The following DRC1 variants were observed in gnomAD, a reference collection of about 807,000 sequenced individuals.
The protein encoded by DRC1 is dynein regulatory complex subunit 1, also known as dynein regulatory complex protein 1.
DRC1 carries 74 observed loss-of-function variants against 98.7 expected under a neutral mutation model. The ratio of observed to expected loss-of-function variants is 0.75; its 90% CI spans 0.62 to 0.91. The LOEUF is 0.91. Among genes scored for constraint, DRC1 ranks in the 40% least tolerant of loss-of-function variants. DRC1 has a pLI of 0.00. For missense variants in DRC1, 875 were observed against 886.0 expected (o/e 0.99, Z 0.16); for synonymous variants, 336 against 334.1 (o/e 1.01, Z -0.06).
intron 10 of DRC1, among the ~76,000 whole-genome samples, chr2:26,447,727 C>T (rs1281184891): frequency 1.3e-5 from 2 of 151,128 alleles, no homozygotes; most frequent in African/African-American, 4.9e-5. Flanking sequence ...CCACCATGCC[C>T]AGCTAATTTT....
Position 26,401,954 on chromosome 2 carries a change from G to A in DRC1, c.-36G>A. On this transcript the variant is annotated 5_prime_UTR_variant, in exon 1 of 17. Coordinates refer to ENST00000288710, the MANE Select transcript of DRC1 (RefSeq NM_145038.5). ...AACCAGCCTGAGGTCTGGAGGTGGT[G>A]CGGAGGGAGCCGCCTAGGGACCAGG... The A allele has an allele frequency of 6.4e-7, 1 of 1,564,268 alleles. No individual in the cohort carries two copies. Among genetic ancestry groups the A allele is most frequent in the Non-Finnish European group, 8.7e-7 (1 of 1,154,416 alleles).
chr2:26,417,614 C>G (rs916779640), intron 2 of DRC1, among the ~76,000 whole-genome samples: 1 of 152,236 alleles, frequency 6.6e-6, no homozygotes, highest in Non-Finnish European at 1.5e-5. Context: ...CAGGCATGAG[C>G]CACTGCGCCC....
At chr2:26,408,764 C>A (rs1678502879) in intron 1 of DRC1, among the ~76,000 whole-genome samples, 1 of 152,002 alleles carries the variant, frequency 6.6e-6, no homozygotes, top group Non-Finnish European at 1.5e-5. Flanking sequence ...GAGGGAGACT[C>A]TGTCTCAAAA....
At position 26,424,377 on chromosome 2, in the gene DRC1, G is replaced by A. The variant is rs574881831; in HGVS notation, c.463G>A (p.Glu155Lys). 33 of 1,613,868 alleles carry A rather than the reference G, an allele frequency of 2.0e-5. No homozygotes were observed. The East Asian group carries it at 6.9e-4, about 34-fold the overall frequency. Residue 155 changes from glutamate (E) to lysine (K), a missense_variant, in exon 4 of 17, where the codon GAA becomes AAA. By Grantham distance (56) the Glu-to-Lys change is moderately conservative (BLOSUM62 1). Coordinates refer to ENST00000288710, the MANE Select transcript of DRC1 (RefSeq NM_145038.5). ...KQKRIPQELW[E>K]MLNTQQLHCA... ...GAAGAGAATTCCCCAAGAGCTGTGG[G>A]AAATGCTCAATACCCAACAGCTGCA...
At chr2:26,411,561 TAAGTTAATAG>T (rs60940482) in intron 1 of DRC1, among the ~76,000 whole-genome samples, 67,936 of 151,712 alleles carry the variant, frequency 0.45, 17,504 homozygotes, top group Non-Finnish European at 0.6. Flanking sequence ...TGATGAGATT[TAAGTTAATAG>T]TAGTTAATAA....
At chr2:26,413,893 T>C (rs751689127) in intron 1 of DRC1, among the ~76,000 whole-genome samples, 5 of 152,082 alleles carry the variant, frequency 3.3e-5, no homozygotes, top group Admixed American at 6.5e-5. Flanking sequence ...TTACTTCTAG[T>C]GTTTTTATGA....
chr2:26,449,613 T>C (rs1663947424), intron 11 of DRC1, among the ~76,000 whole-genome samples: 1 of 152,236 alleles, frequency 6.6e-6, no homozygotes. Context: ...TGCTGCTGTG[T>C]TCTGTAGATA....
chr2:26,423,122 G>A (rs1160630390), intron 3 of DRC1, among the ~76,000 whole-genome samples: 2 of 152,006 alleles, frequency 1.3e-5, no homozygotes, highest in South Asian at 2.1e-4. Flanking sequence ...GAATGGAGTC[G>A]GCAGATTCCC....
rs913818948 is a variant in DRC1 at position 26,401,952 on chromosome 2, G to T, written c.-38G>T. 9 of 1,562,892 alleles carry T rather than the reference G, an allele frequency of 5.8e-6. No individual in the cohort carries two copies. The African/African-American group carries it at 1.2e-4, about 21-fold the overall frequency. ...GCAACCAGCCTGAGGTCTGGAGGTG[G>T]TGCGGAGGGAGCCGCCTAGGGACCA... On this transcript the variant is annotated 5_prime_UTR_variant, in exon 1 of 17. Coordinates refer to ENST00000288710, the MANE Select transcript of DRC1 (RefSeq NM_145038.5).
At chr2:26,451,342 T>G (rs1208074936) in intron 13 of DRC1, among the ~76,000 whole-genome samples, 1 of 152,176 alleles carries the variant, frequency 6.6e-6, no homozygotes, top group Non-Finnish European at 1.5e-5. Context: ...CAAGGCCCAT[T>G]TGTCCTACAT....
At chr2:26,446,881 C>A (rs2148002319) in intron 10 of DRC1, among the ~76,000 whole-genome samples, 1 of 151,836 alleles carries the variant, frequency 6.6e-6, no homozygotes, top group Middle Eastern at 3.4e-3. Flanking sequence ...CACCTGAGGT[C>A]AGGAATTCGA....
rs1428813195 is a variant in DRC1 at position 26,402,017 on chromosome 2, C to T, written c.28C>T (p.Leu10=). 4 of 1,610,750 alleles carry T rather than the reference C, an allele frequency of 2.5e-6. No individual in the cohort carries two copies. In the African/African-American group the frequency reaches 4.0e-5, roughly 16 times the overall value. ...GAATCCGCCGGGGTCCCTAGAGGCC[C>T]TGGACCCGAACGTGGACGAGCACTT... The part of the protein sequence containing the change: MNPPGSLEA[L]DPNVDEHLST... Residue 10 remains leucine, a synonymous_variant, in exon 1 of 17, where the codon CTG becomes TTG. Coordinates refer to ENST00000288710, the MANE Select transcript of DRC1 (RefSeq NM_145038.5).
chr2:26,427,509 A>G (rs190783380), intron 4 of DRC1, among the ~76,000 whole-genome samples: 2 of 152,160 alleles, frequency 1.3e-5, no homozygotes, highest in African/African-American at 4.8e-5. Context: ...ACAATGTGTG[A>G]TAATCACATT....
chr2:26,428,777 A>C (rs1374996529), intron 4 of DRC1, among the ~76,000 whole-genome samples: 6 of 152,012 alleles, frequency 3.9e-5, no homozygotes, highest in South Asian at 2.1e-4. Context: ...CAGCCTGGGC[A>C]ACAGAGCAAG....
intron 8 of DRC1, 83 bp downstream of exon 8, chr2:26,440,600 G>A: frequency 1.4e-6 from 2 of 1,418,826 alleles, no homozygotes; most frequent in South Asian, 1.8e-5. Context: ...CTATTGAAGG[G>A]GTAGAAACCA....
At chr2:26,413,003 C>T (rs574048327) in intron 1 of DRC1, among the ~76,000 whole-genome samples, 2 of 152,276 alleles carry the variant, frequency 1.3e-5, no homozygotes, top group East Asian at 3.9e-4. Flanking sequence ...AGGGTAGTCT[C>T]GATCTCCTGA....
intron 8 of DRC1, among the ~76,000 whole-genome samples, chr2:26,441,150 T>A (rs537984103): frequency 3.9e-5 from 6 of 152,358 alleles, no homozygotes; most frequent in Non-Finnish European, 8.8e-5. Flanking sequence ...TTCCTGCCTT[T>A]CTTCCTTTAA....
intron 1 of DRC1, among the ~76,000 whole-genome samples, chr2:26,404,295 G>A (rs967234484): frequency 1.3e-5 from 2 of 152,198 alleles, no homozygotes; most frequent in Admixed American, 1.3e-4. Flanking sequence ...CCATGGTCCT[G>A]TGAGTGTGAC....
chr2:26,424,468 G>A lies in DRC1; in HGVS notation c.540+14G>A, dbSNP rs1475285863. 6.3e-7 allele frequency: 1 copy of A among 1,593,710 alleles called. No homozygotes were observed. Among genetic ancestry groups the A allele is most frequent in the Non-Finnish European group, 8.6e-7 (1 of 1,166,302 alleles). On this transcript the variant is annotated intron_variant, in intron 4 of 16. Coordinates refer to ENST00000288710, the MANE Select transcript of DRC1 (RefSeq NM_145038.5). ...GAGTTACAGCAGGCAAGAGGCCCGG[G>A]CCCTCCAGCCCAGCCACAGGGGATC... is the stretch of plus-strand genomic sequence containing the variant.
Sources: allele counts gnomAD v4.1 joint callset (sites outside exome capture counted in the v4.1 genomes callset), GRCh38; gene constraint gnomAD v4.1.1; transcripts MANE v1.5; gene names NCBI Gene and HGNC (gene_info 2026-07-23, HGNC 2026-07-21).